Variants in AKAP19 observed in about 807,000 individuals in gnomAD.
AKAP19 encodes small A-kinase anchoring protein.
the AKAP19 span, chr2:190,057,460 C>G: frequency 5.0e-6 from 8 of 1,613,498 alleles, no homozygotes; most frequent in Non-Finnish European, 6.8e-6. Context: ...CTCTCCAGAG[C>G]AGTAATTGGC....
chr2:190,108,130 A>C, the AKAP19 span, among the ~76,000 whole-genome samples: 3 of 152,112 alleles, frequency 2.0e-5, no homozygotes, highest in East Asian at 5.8e-4. Flanking sequence ...AAGGTTGTTA[A>C]ATTTATTATT....
chr2:189,941,550 A>G, the AKAP19 span, among the ~76,000 whole-genome samples: 1 of 152,174 alleles, frequency 6.6e-6, no homozygotes, highest in South Asian at 2.1e-4. Flanking sequence ...TTGAGATCCA[A>G]AGTAAATATA....
the AKAP19 span, among the ~76,000 whole-genome samples, chr2:190,104,425 A>G: frequency 6.6e-6 from 1 of 152,210 alleles, no homozygotes; most frequent in East Asian, 1.9e-4. Context: ...GAAAATATTC[A>G]CAAACTATGC....
At chr2:189,996,526 G>GT in the AKAP19 span, among the ~76,000 whole-genome samples, 1 of 151,700 alleles carries the variant, frequency 6.6e-6, no homozygotes, top group Non-Finnish European at 1.5e-5. Flanking sequence ...TACTTAAGTT[G>GT]TTTTTCACCT....
At chr2:190,021,071 G>C in the AKAP19 span, among the ~76,000 whole-genome samples, 1 of 152,104 alleles carries the variant, frequency 6.6e-6, no homozygotes, top group Non-Finnish European at 1.5e-5. Context: ...GGCTATTGTG[G>C]ATAATGCTAC....
the AKAP19 span, among the ~76,000 whole-genome samples, chr2:190,105,685 G>A: frequency 5.9e-5 from 9 of 152,224 alleles, no homozygotes; most frequent in East Asian, 3.9e-4. Context: ...AGAGTGAGTC[G>A]ATGTCACTAT....
At chr2:189,972,721 G>A in the AKAP19 span, among the ~76,000 whole-genome samples, 1 of 152,026 alleles carries the variant, frequency 6.6e-6, no homozygotes, top group East Asian at 1.9e-4. Flanking sequence ...TGGATTCCTA[G>A]GTATTTTATT....
chr2:190,026,731 G>A, the AKAP19 span, among the ~76,000 whole-genome samples: 1 of 152,156 alleles, frequency 6.6e-6, no homozygotes, highest in African/African-American at 2.4e-5. Context: ...GTAGTTCTAG[G>A]GAGAATATAG....
the AKAP19 span, among the ~76,000 whole-genome samples, chr2:190,163,621 A>G: frequency 6.6e-6 from 1 of 152,198 alleles, no homozygotes. Context: ...AGGAATTGGA[A>G]ATACTTAGAA....
chr2:189,979,324 G>A, the AKAP19 span, among the ~76,000 whole-genome samples: 1 of 152,138 alleles, frequency 6.6e-6, no homozygotes. Flanking sequence ...AATATACAAT[G>A]GGGAAAGAAC....
chr2:190,127,099 A>G, the AKAP19 span, among the ~76,000 whole-genome samples: 2 of 152,010 alleles, frequency 1.3e-5, no homozygotes, highest in Admixed American at 1.3e-4. Flanking sequence ...AAGTCTTTCC[A>G]GATCTGGAAA....
the AKAP19 span, among the ~76,000 whole-genome samples, chr2:190,030,791 T>G: frequency 6.6e-6 from 1 of 152,214 alleles, no homozygotes; most frequent in African/African-American, 2.4e-5. Flanking sequence ...GGATATGTAT[T>G]TGGAGACACA....
At chr2:190,078,842 G>C in the AKAP19 span, among the ~76,000 whole-genome samples, 1 of 151,908 alleles carries the variant, frequency 6.6e-6, no homozygotes, top group Non-Finnish European at 1.5e-5. Flanking sequence ...TATTTGTAAA[G>C]CATGTAATGT....
the AKAP19 span, among the ~76,000 whole-genome samples, chr2:189,963,970 G>A: frequency 4.7e-4 from 72 of 152,058 alleles, no homozygotes; most frequent in Admixed American, 7.2e-4. Context: ...TGCCATGTTG[G>A]TCTCAAACTC....
the AKAP19 span, among the ~76,000 whole-genome samples, chr2:190,176,741 T>C: frequency 6.6e-6 from 1 of 152,244 alleles, no homozygotes; most frequent in Admixed American, 6.5e-5. The surrounding 1 kb of genome is among the most constrained non-coding windows in gnomAD (Gnocchi z 4.7). Flanking sequence ...CAATACACCA[T>C]TTCTGCTTCT....
At chr2:190,065,268 C>T in the AKAP19 span, among the ~76,000 whole-genome samples, 5 of 152,110 alleles carry the variant, frequency 3.3e-5, no homozygotes, top group African/African-American at 1.2e-4. Context: ...TGGAAAGTAG[C>T]ATGGTGGTTG....
the AKAP19 span, among the ~76,000 whole-genome samples, chr2:189,948,738 G>A: frequency 3.3e-5 from 5 of 151,948 alleles, no homozygotes; most frequent in African/African-American, 1.2e-4. Flanking sequence ...TATATATAGC[G>A]TATACATAAC....
At chr2:190,048,294 A>C in the AKAP19 span, among the ~76,000 whole-genome samples, 3 of 152,216 alleles carry the variant, frequency 2.0e-5, no homozygotes, top group African/African-American at 7.2e-5. Flanking sequence ...AACAGTAGTC[A>C]CATCTCTCTT....
the AKAP19 span, among the ~76,000 whole-genome samples, chr2:190,031,497 A>G: frequency 6.6e-6 from 1 of 152,168 alleles, no homozygotes; most frequent in Non-Finnish European, 1.5e-5. Context: ...AAAAGACTTT[A>G]TTTTTCACTT....
Sources: gnomAD v4.1 joint callset for allele counts (sites outside exome capture counted in the v4.1 genomes callset) on GRCh38, gnomAD v4.1.1 for gene constraint, Gnocchi (gnomAD v3.1) non-coding constraint, MANE v1.5 for transcripts, NCBI Gene and HGNC (gene_info 2026-07-23, HGNC 2026-07-21) for gene names.